DTD2: variants seen among roughly 807,000 people sequenced by gnomAD.
DTD2 encodes the protein D-aminoacyl-tRNA deacylase 2.
DTD2 carries 12 observed loss-of-function variants against 15.5 expected under a neutral mutation model. That is an observed-to-expected ratio of 0.77 (90% CI 0.50 to 1.25). The LOEUF (loss-of-function observed/expected upper bound fraction) is 1.25, where lower values mean the gene tolerates loss of function less well. Ranked by LOEUF, DTD2 falls within the 50% of genes most tolerant of loss-of-function variation. The probability of loss-of-function intolerance (pLI) is 0.00; values close to 1 mark genes in which losing one functional copy is unlikely to be tolerated. For missense variants in DTD2, 170 were observed against 201.1 expected (o/e 0.85, Z 0.93); for synonymous variants, 59 against 77.3 (o/e 0.76, Z 1.24).
chr14:31,457,224 A>T (rs2032105887), intron 1 of DTD2, 59 bp downstream of exon 1: 1 of 1,453,290 alleles, frequency 6.9e-7, no homozygotes, highest in Non-Finnish European at 9.4e-7. Context: ...CACCGAGACA[A>T]CGCGGAAAAA....
At chr14:31,451,023 T>C (rs1344097578) in intron 2 of DTD2, among the ~76,000 whole-genome samples, 4 of 152,164 alleles carry the variant, frequency 2.6e-5, no homozygotes, top group Non-Finnish European at 4.4e-5. Flanking sequence ...ACATTTTTTA[T>C]GGACCAAAAA....
rs187691331 is a variant in DTD2, at chr14:31,447,824, A to C, written c.*305T>G. 1,338 of 219,922 alleles carry C rather than the reference A, an allele frequency of 6.1e-3. 5 individuals are homozygous for C. Among genetic ancestry groups the C allele is most frequent in the Middle Eastern group, 0.02 (13 of 636 alleles). 13.6% of individuals were successfully genotyped at this position (219,922 alleles called of 1,614,324 possible). A position where few individuals can be genotyped will look rare whatever the true frequency, so the allele number is the denominator to read the frequency against. ...GACAGAGCAAGACTCCATCTCAAAA[A>C]AAAAACAAAAACAAAAAAACAATTA... On this transcript the variant is annotated 3_prime_UTR_variant, in exon 3 of 3. Coordinates refer to ENST00000310850, the MANE Select transcript of DTD2 (RefSeq NM_080664.3).
chr14:31,453,034 C>T (rs2032055977), intron 2 of DTD2, among the ~76,000 whole-genome samples: 1 of 151,504 alleles, frequency 6.6e-6, no homozygotes, highest in Non-Finnish European at 1.5e-5. Flanking sequence ...ACCTCCTGGC[C>T]TCAAGTAATC....
chr14:31,457,246 C>A, intron 1 of DTD2, 37 bp downstream of exon 1: 2 of 1,532,426 alleles, frequency 1.3e-6, no homozygotes, highest in African/African-American at 1.4e-5. Flanking sequence ...CCGCCCCGCA[C>A]GCCGGAGGAT....
At chr14:31,450,599 G>A (rs1244461144) in intron 2 of DTD2, among the ~76,000 whole-genome samples, 3 of 152,260 alleles carry the variant, frequency 2.0e-5, no homozygotes, top group African/African-American at 7.2e-5. Context: ...GACTTACTTA[G>A]CCTGCTGGAA....
Position 31,447,923 on chromosome 14 carries a change from G to A in DTD2, c.*206C>T. On this transcript the variant is annotated 3_prime_UTR_variant, in exon 3 of 3. Coordinates refer to ENST00000310850, the MANE Select transcript of DTD2 (RefSeq NM_080664.3). ...TTTTCAAGTAGAAGGGTAGAGGAAT[G>A]TAGGACAAAAGGTGACTGAGATCCA... 3 of 531,358 alleles carry A rather than the reference G, an allele frequency of 5.6e-6. No individual in the cohort carries two copies. In the South Asian group the frequency reaches 8.7e-5, roughly 15 times the overall value. 32.9% of individuals were successfully genotyped at this position (531,358 alleles called of 1,614,324 possible).
At position 31,447,226 on chromosome 14, in the gene DTD2, T is replaced by C. The variant is rs1455791535; in HGVS notation, c.*903A>G. The C allele has an allele frequency of 1.3e-5, 2 of 151,880 alleles. No individual in the cohort carries two copies. Among genetic ancestry groups the C allele is most frequent in the Non-Finnish European group, 2.9e-5 (2 of 67,986 alleles). The allele number at this position is 151,880 out of a possible 1,614,324, so 9.4% of individuals were successfully genotyped here. On this transcript the variant is annotated 3_prime_UTR_variant, in exon 3 of 3. Coordinates refer to ENST00000310850, the MANE Select transcript of DTD2 (RefSeq NM_080664.3). Reference sequence around the variant, plus strand: ...GCAAACTCCTGGGCTCAAGTGATCCTCCCACCTCGGCCTCCCAAAGTGCTG... The same window carrying C: ...GCAAACTCCTGGGCTCAAGTGATCCCCCCACCTCGGCCTCCCAAAGTGCTG...
At chr14:31,448,566 C>G in intron 2 of DTD2, 112 bp from the exon 3 acceptor site, 1 of 875,278 alleles carries the variant, frequency 1.1e-6, no homozygotes, top group South Asian at 1.8e-5. Flanking sequence ...TCAGCTCATG[C>G]CTCTAACCCA....
At position 31,447,000 on chromosome 14, in the gene DTD2, T is replaced by C. The variant is rs1170995699; in HGVS notation, c.*1129A>G. ...CTGAAAAATAGACCATTAACCCATT[T>C]ATATAGTATGTTTAATAAAAACAAC... On this transcript the variant is annotated 3_prime_UTR_variant, in exon 3 of 3. Coordinates refer to ENST00000310850, the MANE Select transcript of DTD2 (RefSeq NM_080664.3). The C allele has an allele frequency of 1.3e-5, 2 of 152,210 alleles. No individual in the cohort carries two copies. Among genetic ancestry groups the C allele is most frequent in the Non-Finnish European group, 2.9e-5 (2 of 68,032 alleles). 9.4% of individuals were successfully genotyped at this position (152,210 alleles called of 1,614,324 possible). A position where few individuals can be genotyped will look rare whatever the true frequency, so the allele number is the denominator to read the frequency against.
In DTD2 at chr14:31,457,489, G is replaced by T. The variant is rs547431443; in HGVS notation, c.-96C>A. 3.9e-5 allele frequency: 37 copies of T among 946,724 alleles called. No homozygotes were observed. The African/African-American group carries it at 5.4e-4, about 14-fold the overall frequency. The allele number at this position is 946,724 out of a possible 1,614,324, so 58.6% of individuals were successfully genotyped here. On this transcript the variant is annotated 5_prime_UTR_variant, in exon 1 of 3. Coordinates refer to ENST00000310850, the MANE Select transcript of DTD2 (RefSeq NM_080664.3). Reference sequence around the variant, plus strand: ...CGGGGCAGACGAGGCGGGGCACGACGAAGGGCCTGCGCCGATTGCCCAGTG... The same window carrying T: ...CGGGGCAGACGAGGCGGGGCACGACTAAGGGCCTGCGCCGATTGCCCAGTG...
intron 1 of DTD2, among the ~76,000 whole-genome samples, chr14:31,455,769 A>T (rs992774512): frequency 6.6e-6 from 1 of 151,264 alleles, no homozygotes; most frequent in Non-Finnish European, 1.5e-5. Flanking sequence ...TTTAGTAGAG[A>T]CGGGATTTCA....
rs1024743396 is a variant in DTD2 at position 31,446,819 on chromosome 14, C to G, written c.*1310G>C. The G allele has an allele frequency of 2.0e-5, 3 of 152,164 alleles. No individual in the cohort carries two copies. The highest frequency in any genetic ancestry group is 7.2e-5 in the African/African-American group (3 of 41,440). The allele number at this position is 152,164 out of a possible 1,614,324, so 9.4% of individuals were successfully genotyped here. On this transcript the variant is annotated 3_prime_UTR_variant, in exon 3 of 3. Coordinates refer to ENST00000310850, the MANE Select transcript of DTD2 (RefSeq NM_080664.3). ...ATGAACAAGTCAATTTGTTTTCAAA[C>G]TATTCTTATGGGAAGCTTCCCTTTT...
chr14:31,453,519 T>C (rs1329930653), intron 1 of DTD2, among the ~76,000 whole-genome samples, 175 bp from the exon 2 acceptor site: 2 of 151,892 alleles, frequency 1.3e-5, no homozygotes, highest in Non-Finnish European at 2.9e-5. Flanking sequence ...CAATTTTCAA[T>C]CATCTCAGTT....
chr14:31,453,169 G>C (rs546150671), intron 2 of DTD2, 106 bp downstream of exon 2: 6 of 1,062,224 alleles, frequency 5.6e-6, no homozygotes, highest in African/African-American at 3.1e-5. Flanking sequence ...TAACTCCTGG[G>C]TTCAAGTAAT....
chr14:31,457,486 G>C lies in DTD2; in HGVS notation c.-93C>G. On this transcript the variant is annotated 5_prime_UTR_variant, in exon 1 of 3. Transcript: ENST00000310850. ...TGGCGGGGCAGACGAGGCGGGGCAC[G>C]ACGAAGGGCCTGCGCCGATTGCCCA... is the stretch of plus-strand genomic sequence containing the variant. The C allele has an allele frequency of 4.1e-6, 4 of 972,930 alleles. No homozygotes were observed. The South Asian group carries it at 5.6e-5, about 14-fold the overall frequency. The allele number at this position is 972,930 out of a possible 1,614,324, so 60.3% of individuals were successfully genotyped here. A position where few individuals can be genotyped will look rare whatever the true frequency, so the allele number is the denominator to read the frequency against.
intron 2 of DTD2, among the ~76,000 whole-genome samples, chr14:31,450,090 C>G (rs2032013198): frequency 6.6e-6 from 1 of 152,216 alleles, no homozygotes; most frequent in African/African-American, 2.4e-5. Context: ...CTCGAAATCA[C>G]TATCTAGCTA....
chr14:31,457,077 A>G, intron 1 of DTD2: 1 of 572,896 alleles, frequency 1.7e-6, no homozygotes, highest in Non-Finnish European at 3.1e-6. Flanking sequence ...CGGGTGCTAC[A>G]ACTGGCGCTG....
intron 2 of DTD2, among the ~76,000 whole-genome samples, chr14:31,449,813 C>A (rs1485818657): frequency 6.6e-6 from 1 of 152,138 alleles, no homozygotes; most frequent in Non-Finnish European, 1.5e-5. Flanking sequence ...GTTGGGGTAG[C>A]TAACGGTTTT....
At chr14:31,457,262 G>A in intron 1 of DTD2, 21 bp downstream of exon 1, 2 of 1,550,728 alleles carry the variant, frequency 1.3e-6, no homozygotes, top group Admixed American at 2.0e-5. Flanking sequence ...AGGATAACGA[G>A]AGCTGCCGGG....
Sources: gnomAD v4.1 joint callset for allele counts (sites outside exome capture counted in the v4.1 genomes callset) on GRCh38, gnomAD v4.1.1 for gene constraint, MANE v1.5 for transcripts, NCBI Gene and HGNC (gene_info 2026-07-23, HGNC 2026-07-21) for gene names.